TCF7L2: variants seen among roughly 807,000 people sequenced by gnomAD.
TCF7L2 encodes the protein transcription factor 7 like 2.
TCF7L2 carries 23 observed loss-of-function variants against 77.9 expected under a neutral mutation model. The ratio of observed to expected loss-of-function variants is 0.30; its 90% CI spans 0.21 to 0.42. TCF7L2 has a LOEUF of 0.42. TCF7L2 is among the 10% of genes least tolerant of loss of function. The pLI, the probability that TCF7L2 is intolerant of heterozygous loss-of-function variation, is 1.00. For synonymous variants in TCF7L2, 413 were observed against 340.2 expected, an observed-to-expected ratio of 1.21 and a Z score of -2.36; for missense variants, 654 against 793.1, an observed-to-expected ratio of 0.82 and a Z score of 2.11.
intron 13 of TCF7L2, among the ~76,000 whole-genome samples, chr10:113,163,134 C>T (rs943076117): frequency 3.3e-5 from 5 of 152,220 alleles, no homozygotes; most frequent in African/African-American, 1.2e-4. Context: ...ATTGCTCTGT[C>T]GCCATAGTCT....
rs1437184994 is a variant in TCF7L2 at position 113,157,497 on chromosome 10, C to CT, written c.1270-523dup. 3.9e-5 allele frequency among the ~76,000 whole-genome samples: 6 copies of CT among 152,346 alleles called. No individual in the cohort carries two copies. In the South Asian group the frequency reaches 1.0e-3, roughly 26 times the overall value. On this transcript the variant is annotated intron_variant, in intron 11 of 13. Transcript: ENST00000627217. ...TCCCCTGCATCTTTAACAGCAAACT[C>CT]TAAGAGAAGCCTCTGCTAAAGCTTT...
At chr10:112,995,782 G>A (rs1009050206) in intron 4 of TCF7L2, among the ~76,000 whole-genome samples, 2 of 152,144 alleles carry the variant, frequency 1.3e-5, no homozygotes, top group East Asian at 3.9e-4. Flanking sequence ...CTTCAGAGTC[G>A]TGATCATGCC....
At chr10:113,015,916 G>A (rs976121445) in intron 4 of TCF7L2, among the ~76,000 whole-genome samples, 1 of 152,240 alleles carries the variant, frequency 6.6e-6, no homozygotes, top group African/African-American at 2.4e-5. Context: ...TGGTGACAGA[G>A]CAGGGGTTTC....
At chr10:113,048,940 G>C (rs535546311) in intron 5 of TCF7L2, among the ~76,000 whole-genome samples, 1 of 152,268 alleles carries the variant, frequency 6.6e-6, no homozygotes, top group African/African-American at 2.4e-5. Flanking sequence ...TTGCAGGTCA[G>C]ATTTTCATCT....
At position 113,148,932 on chromosome 10, in the gene TCF7L2, G is replaced by A. The variant is rs180728095; in HGVS notation, c.876-2066G>A. On this transcript the variant is annotated intron_variant, in intron 8 of 13. Coordinates refer to ENST00000627217, the MANE Select transcript of TCF7L2 (RefSeq NM_001146274.2). ...TGTACTCAGATTGTGGTGCCTTCCCGTGGTATTTGGTGTATGTACACACAC... is the reference window on the plus strand; with the variant it reads ...TGTACTCAGATTGTGGTGCCTTCCCATGGTATTTGGTGTATGTACACACAC... 2.0e-4 allele frequency among the ~76,000 whole-genome samples: 31 copies of A among 152,204 alleles called. No individual in the cohort carries two copies. The East Asian group carries it at 4.1e-3, about 20-fold the overall frequency.
intron 5 of TCF7L2, among the ~76,000 whole-genome samples, chr10:113,118,512 A>G (rs1591934005): frequency 1.5e-5 from 1 of 65,056 alleles, no homozygotes; most frequent in African/African-American, 4.9e-5. Flanking sequence ...CCAACTGGTC[A>G]TCTGGGGGGT....
Position 112,989,535 on chromosome 10 carries a change from TTCAC to T in TCF7L2, c.450+24913_450+24916del, listed in dbSNP as rs561810150. Among the ~76,000 whole-genome samples, 145 of 152,280 alleles carry T rather than the reference TTCAC, an allele frequency of 9.5e-4. 1 individual carries two copies. Among genetic ancestry groups the T allele is most frequent in the African/African-American group, 3.0e-3 (126 of 41,562 alleles). ...TGGCATGTAATGTAATTGGAAGTGT[TTCAC>T]TGACATGCTCATGAGAGTTTGCGGC... On this transcript the variant is annotated intron_variant, in intron 4 of 13. Coordinates refer to ENST00000627217, the MANE Select transcript of TCF7L2 (RefSeq NM_001146274.2).
At chr10:113,136,891 G>T (rs1428851468) in intron 5 of TCF7L2, among the ~76,000 whole-genome samples, 1 of 152,182 alleles carries the variant, frequency 6.6e-6, no homozygotes, top group Admixed American at 6.5e-5. Flanking sequence ...GAAGTGGGAG[G>T]TGTTCAAAGA....
At chr10:112,957,655 G>A (rs778572057) in intron 3 of TCF7L2, among the ~76,000 whole-genome samples, 2 of 152,082 alleles carry the variant, frequency 1.3e-5, no homozygotes, top group African/African-American at 2.4e-5. Flanking sequence ...CCTGGGCTGG[G>A]CTATTAAAAA....
At chr10:113,139,811 T>TAA (rs34407643) in intron 5 of TCF7L2, among the ~76,000 whole-genome samples, 2,729 of 138,314 alleles carry the variant, frequency 0.02, 68 homozygotes, top group African/African-American at 0.06. Flanking sequence ...CTCACCCATT[T>TAA]AAAAAAAAAA....
intron 4 of TCF7L2, among the ~76,000 whole-genome samples, chr10:112,989,374 AG>A (rs1228840198): frequency 6.6e-6 from 1 of 151,560 alleles, no homozygotes; most frequent in Non-Finnish European, 1.5e-5. Flanking sequence ...AAAAAAAAAA[AG>A]AAAAAAAGCC....
At chr10:113,129,212 C>T (rs1196560980) in intron 5 of TCF7L2, 4 of 627,046 alleles carry the variant, frequency 6.4e-6, no homozygotes, top group Non-Finnish European at 8.0e-6. Context: ...TCCTCCCTCC[C>T]CTCTCCCATC....
chr10:113,023,142 C>G (rs2048515214), intron 4 of TCF7L2, among the ~76,000 whole-genome samples: 1 of 152,118 alleles, frequency 6.6e-6, no homozygotes, highest in African/African-American at 2.4e-5. Context: ...GTGTGAAGTG[C>G]CATTCAAGAC....
intron 5 of TCF7L2, among the ~76,000 whole-genome samples, chr10:113,077,373 A>G (rs2058803061): frequency 6.6e-6 from 1 of 152,196 alleles, no homozygotes; most frequent in Non-Finnish European, 1.5e-5. Context: ...CACCCATTTA[A>G]AGTATATAAT....
rs56927661 is a variant in TCF7L2 at position 113,073,129 on chromosome 10, T to TGTGTGTGTGTGTGTGAGA, written c.552+33004_552+33005insTGTGTGTGTGTGTGAGAG. Among the ~76,000 whole-genome samples the TGTGTGTGTGTGTGTGAGA allele has an allele frequency of 9.9e-3, 1,222 of 123,416 alleles. 19 individuals carry two copies. Among genetic ancestry groups the TGTGTGTGTGTGTGTGAGA allele is most frequent in the Middle Eastern group, 0.025 (6 of 242 alleles). The allele number at this position is 123,416 out of a possible 152,430, so 81.0% of individuals were successfully genotyped here. On this transcript the variant is annotated intron_variant, in intron 5 of 13. Coordinates refer to ENST00000627217, the MANE Select transcript of TCF7L2 (RefSeq NM_001146274.2). ...GTGTGTGTGTGTGTGTGTGTGTGTG[T>TGTGTGTGTGTGTGTGAGA]GAGAGAGAGAGAGAGAGAGAGACAG...
chr10:113,113,959 G>C (rs556513917), intron 5 of TCF7L2, among the ~76,000 whole-genome samples: 1 of 152,130 alleles, frequency 6.6e-6, no homozygotes, highest in Non-Finnish European at 1.5e-5. Flanking sequence ...ATCATGATGG[G>C]TTTCGTTGGA....
chr10:112,983,950 T>C (rs2040992272), intron 4 of TCF7L2, among the ~76,000 whole-genome samples: 1 of 152,224 alleles, frequency 6.6e-6, no homozygotes, highest in Admixed American at 6.5e-5. Context: ...GAATGATTTA[T>C]TCTCAAGAGT....
At chr10:112,980,274 C>T (rs759021369) in intron 4 of TCF7L2, among the ~76,000 whole-genome samples, 1 of 152,184 alleles carries the variant, frequency 6.6e-6, no homozygotes, top group African/African-American at 2.4e-5. Context: ...TTTTCAGGGC[C>T]TTCTGTGGTT....
At chr10:113,098,918 TGATA>T (rs953627994) in intron 5 of TCF7L2, among the ~76,000 whole-genome samples, 3 of 152,184 alleles carry the variant, frequency 2.0e-5, no homozygotes. Context: ...TTTCTCCATT[TGATA>T]GATAGTGCCG....
Sources: gnomAD v4.1 joint callset for allele counts (sites outside exome capture counted in the v4.1 genomes callset) on GRCh38, gnomAD v4.1.1 for gene constraint, MANE v1.5 for transcripts, NCBI Gene and HGNC (gene_info 2026-07-23, HGNC 2026-07-21) for gene names.